The following NACC2 variants were observed in gnomAD, a reference collection of about 807,000 sequenced individuals.
NACC2 encodes the protein nucleus accumbens-associated protein 2.
A neutral mutation model predicts 25.1 loss-of-function variants in NACC2; 8 were observed. That is an observed-to-expected ratio of 0.32 (90% CI 0.19 to 0.57). NACC2 has a LOEUF of 0.57. NACC2 is among the 20% of genes least tolerant of loss of function. The probability of loss-of-function intolerance (pLI) is 0.89; values close to 1 mark genes in which losing one functional copy is unlikely to be tolerated. For missense variants in NACC2, 644 were observed against 650.2 expected (o/e 0.99, Z 0.10); for synonymous variants, 435 against 294.7 (o/e 1.48, Z -4.88).
At chr9:136,073,926 C>T (rs1167934318) in intron 1 of NACC2, among the ~76,000 whole-genome samples, 1 of 152,146 alleles carries the variant, frequency 6.6e-6, no homozygotes, top group African/African-American at 2.4e-5. Flanking sequence ...CTTCCCTCTG[C>T]CCTGAAAGCA....
intron 2 of NACC2, among the ~76,000 whole-genome samples, chr9:136,035,080 C>A (rs1347252008): frequency 6.6e-6 from 1 of 152,032 alleles, no homozygotes; most frequent in Admixed American, 6.6e-5. Flanking sequence ...GGTGACAGAG[C>A]GAGACTCCAT....
At chr9:136,030,337 C>T (rs1010011783) in intron 2 of NACC2, among the ~76,000 whole-genome samples, 4 of 151,984 alleles carry the variant, frequency 2.6e-5, no homozygotes, top group Non-Finnish European at 4.4e-5. Flanking sequence ...AGGCCGGGCG[C>T]GGTGGCTCAC....
At chr9:136,047,752 G>A (rs1840751838) in intron 2 of NACC2, among the ~76,000 whole-genome samples, 1 of 152,194 alleles carries the variant, frequency 6.6e-6, no homozygotes, top group East Asian at 1.9e-4. Flanking sequence ...CTGCGGTCCT[G>A]CTGACTCCCC....
In NACC2 at chr9:136,010,312, A is replaced by C. The variant is rs1840083983; in HGVS notation, c.*1204T>G. 1 of 153,154 alleles carries C rather than the reference A, an allele frequency of 6.5e-6. No homozygotes were observed. Among genetic ancestry groups the C allele is most frequent in the Non-Finnish European group, 1.5e-5 (1 of 68,846 alleles). The allele number at this position is 153,154 out of a possible 1,614,324, so 9.5% of individuals were successfully genotyped here. ...ACCCTCCATCCATGCACACCCCTCA[A>C]GGCAGACGGGGAGCCCAGCACCGGG... On this transcript the variant is annotated 3_prime_UTR_variant, in exon 6 of 6. Coordinates refer to ENST00000277554, the MANE Select transcript of NACC2 (RefSeq NM_144653.5). This position sits in a 1 kb window ranked among gnomAD's most constrained non-coding sequence, Gnocchi z 4.9.
intron 1 of NACC2, among the ~76,000 whole-genome samples, chr9:136,091,763 C>A (rs1259467251): frequency 1.3e-5 from 2 of 152,110 alleles, no homozygotes; most frequent in African/African-American, 4.8e-5. Flanking sequence ...CCCCAGCCAG[C>A]CAGGAGGCAT....
intron 1 of NACC2, among the ~76,000 whole-genome samples, chr9:136,091,147 C>T (rs190829705): frequency 3.3e-5 from 5 of 152,290 alleles, no homozygotes; most frequent in South Asian, 4.1e-4. Context: ...GACTCCATGG[C>T]GGCCTCCTCT....
intron 1 of NACC2, among the ~76,000 whole-genome samples, chr9:136,082,548 C>T (rs564115959): frequency 6.6e-6 from 1 of 152,344 alleles, no homozygotes; most frequent in East Asian, 1.9e-4. Flanking sequence ...AGCACTGGGT[C>T]TGGCCCTCGG....
At chr9:136,040,929 C>A (rs1187361895) in intron 2 of NACC2, among the ~76,000 whole-genome samples, 4 of 150,184 alleles carry the variant, frequency 2.7e-5, no homozygotes, top group African/African-American at 9.8e-5. Context: ...CCATTGCACT[C>A]CAGCCCAGGC....
intron 1 of NACC2, among the ~76,000 whole-genome samples, chr9:136,088,870 C>A (rs1830405817): frequency 6.6e-6 from 1 of 152,230 alleles, no homozygotes; most frequent in Non-Finnish European, 1.5e-5. Context: ...CCAGCCCAGC[C>A]CCCGGCATCC....
chr9:136,062,559 C>T (rs1249020496), intron 1 of NACC2, among the ~76,000 whole-genome samples: 1 of 152,186 alleles, frequency 6.6e-6, no homozygotes, highest in East Asian at 1.9e-4. Context: ...GCTCCTTCAT[C>T]GATGAGTTAA....
intron 1 of NACC2, among the ~76,000 whole-genome samples, chr9:136,060,692 G>C (rs1840996988): frequency 1.3e-5 from 2 of 152,260 alleles, no homozygotes; most frequent in African/African-American, 4.8e-5. Context: ...GGGGGCTGCA[G>C]GACGCTCCCA....
chr9:136,024,392 G>GGTGTGTGAGGACAGAGTGTGT (rs1197940327), intron 2 of NACC2, among the ~76,000 whole-genome samples: 13 of 105,500 alleles, frequency 1.2e-4, no homozygotes, highest in African/African-American at 4.3e-4. Flanking sequence ...GAGGACAGAG[G>GGTGTGTGAGGACAGAGTGTGT]GTGTGTGAGG....
chr9:136,091,762 G>A (rs1198820897), intron 1 of NACC2, among the ~76,000 whole-genome samples: 1 of 152,100 alleles, frequency 6.6e-6, no homozygotes, highest in Non-Finnish European at 1.5e-5. Flanking sequence ...GCCCCAGCCA[G>A]CCAGGAGGCA....
At position 136,092,442 on chromosome 9, in the gene NACC2, G is replaced by T. The variant is rs972612124; in HGVS notation, c.-60+2747C>A. Among the ~76,000 whole-genome samples, 5 of 152,198 alleles carry T rather than the reference G, an allele frequency of 3.3e-5. No homozygotes were observed. In the South Asian group the frequency reaches 1.0e-3, roughly 31 times the overall value. On this transcript the variant is annotated intron_variant, in intron 1 of 5. Transcript: ENST00000277554. ...CATCAGACGGCGGCTCAGGTCCAGCGTCCAGACGGGCTAGCGCTACTTCTC... is the reference window on the plus strand; with the variant it reads ...CATCAGACGGCGGCTCAGGTCCAGCTTCCAGACGGGCTAGCGCTACTTCTC...
intron 1 of NACC2, among the ~76,000 whole-genome samples, chr9:136,094,213 G>A (rs948184611): frequency 6.6e-6 from 1 of 152,236 alleles, no homozygotes; most frequent in Non-Finnish European, 1.5e-5. Flanking sequence ...CCAGCACGTG[G>A]GTGAAACACC....
rs961240389 is a variant in NACC2 at position 136,006,983 on chromosome 9, CTCT to C, written c.*4530_*4532del. The C allele has an allele frequency of 1.3e-5, 2 of 153,996 alleles. No individual in the cohort carries two copies. The highest frequency in any genetic ancestry group is 1.3e-4 in the Admixed American group (2 of 15,286). The allele number at this position is 153,996 out of a possible 1,614,324, so 9.5% of individuals were successfully genotyped here. A position where few individuals can be genotyped will look rare whatever the true frequency, so the allele number is the denominator to read the frequency against. On this transcript the variant is annotated 3_prime_UTR_variant, in exon 6 of 6. Transcript: ENST00000277554. ...AAACAACCGTCTCCTTTTTAAAAGTCTCTTTTTTCCAAACATTCCATCCGAAGG... is the reference window on the plus strand; with the variant it reads ...AAACAACCGTCTCCTTTTTAAAAGTCTTTTTCCAAACATTCCATCCGAAGG...
intron 1 of NACC2, among the ~76,000 whole-genome samples, chr9:136,082,520 C>T (rs891041912): frequency 2.0e-5 from 3 of 152,216 alleles, no homozygotes; most frequent in Admixed American, 2.0e-4. Context: ...CTCATCTCAA[C>T]GGGGTCACCA....
In NACC2 at chr9:136,008,587, C is replaced by T. The variant is rs1305553202; in HGVS notation, c.*2929G>A. 5 of 152,242 alleles carry T rather than the reference C, an allele frequency of 3.3e-5. No homozygotes were observed. The highest frequency in any genetic ancestry group is 4.8e-5 in the African/African-American group (2 of 41,434). The allele number at this position is 152,242 out of a possible 1,614,324, so 9.4% of individuals were successfully genotyped here. A position where few individuals can be genotyped will look rare whatever the true frequency, so the allele number is the denominator to read the frequency against. The stretch of plus-strand genomic sequence containing the variant: ...TCACACTCACAGGACAGGACAACCC[C>T]GGATTCTAGAATTAGTCATCTTGTA... On this transcript the variant is annotated 3_prime_UTR_variant, in exon 6 of 6. Transcript: ENST00000277554.
chr9:136,080,157 C>T (rs975747007), intron 1 of NACC2, among the ~76,000 whole-genome samples: 2 of 152,198 alleles, frequency 1.3e-5, no homozygotes, highest in African/African-American at 4.8e-5. Context: ...GGTTTGACCA[C>T]AAGGGCCTCC....
Sources: gnomAD v4.1 joint callset for allele counts (sites outside exome capture counted in the v4.1 genomes callset) on GRCh38, gnomAD v4.1.1 for gene constraint, Gnocchi (gnomAD v3.1) non-coding constraint, MANE v1.5 for transcripts, NCBI Gene and HGNC (gene_info 2026-07-23, HGNC 2026-07-21) for gene names.